The following RASA3 variants were observed in gnomAD, a reference collection of about 807,000 sequenced individuals.
RASA3 encodes the protein ras GTPase-activating protein 3.
Under a neutral mutation model 110.0 loss-of-function variants are expected in RASA3, and 73 were observed. The ratio of observed to expected loss-of-function variants is 0.66; its 90% confidence interval spans 0.55 to 0.81. RASA3 has a LOEUF of 0.81. Ranked by LOEUF, RASA3 falls within the 30% of genes least tolerant of loss-of-function variation. The probability of loss-of-function intolerance (pLI) is 0.00; values close to 1 mark genes in which losing one functional copy is unlikely to be tolerated. For missense variants in RASA3, 976 were observed against 1,113.2 expected, an observed-to-expected ratio of 0.88 and a Z score of 1.75; for synonymous variants, 500 against 451.4, an observed-to-expected ratio of 1.11 and a Z score of -1.37.
chr13:114,019,055 C>T (rs544591407), intron 9 of RASA3, 136 bp from the exon 10 acceptor site: 2 of 1,126,180 alleles, frequency 1.8e-6, no homozygotes, highest in East Asian at 2.6e-5. Context: ...AGTGCAGCCC[C>T]TGGGGACTCC....
At chr13:114,062,567 C>A (rs1386991838) in intron 2 of RASA3, among the ~76,000 whole-genome samples, 1 of 133,184 alleles carries the variant, frequency 7.5e-6, no homozygotes, top group Non-Finnish European at 1.6e-5. Context: ...CGCACGCAGA[C>A]TCGGACACGC....
At chr13:114,063,880 T>A (rs2079402788) in intron 2 of RASA3, among the ~76,000 whole-genome samples, 1 of 152,216 alleles carries the variant, frequency 6.6e-6, no homozygotes, top group African/African-American at 2.4e-5. Context: ...AAAACCTGCT[T>A]AAATTTTAAA....
At chr13:114,071,769 G>A (rs1230251351) in intron 2 of RASA3, among the ~76,000 whole-genome samples, 1 of 152,196 alleles carries the variant, frequency 6.6e-6, no homozygotes, top group African/African-American at 2.4e-5. Context: ...TGGAAGCACT[G>A]TCAGTGACGG....
chr13:114,129,451 G>C (rs2080490893), intron 1 of RASA3, among the ~76,000 whole-genome samples: 1 of 152,146 alleles, frequency 6.6e-6, no homozygotes, highest in African/African-American at 2.4e-5. Context: ...AAAGAGGAAG[G>C]GGGAAAGGAG....
In RASA3 at chr13:114,115,881, C is replaced by CT. The variant is rs1297123507; in HGVS notation, c.55+16553dup. 6.6e-6 allele frequency among the ~76,000 whole-genome samples: 1 copy of CT among 152,244 alleles called. No individual in the cohort carries two copies. The highest frequency in any genetic ancestry group is 2.4e-5 in the African/African-American group (1 of 41,464). Reference sequence around the variant, plus strand: ...ATTATTCTTCTTGGTTAATATTTTACTTTCTGTCATAACCAGCAGGCTTAA... The same window carrying CT: ...ATTATTCTTCTTGGTTAATATTTTACTTTTCTGTCATAACCAGCAGGCTTAA... On this transcript the variant is annotated intron_variant, in intron 1 of 23. Transcript: ENST00000334062. This position sits in a 1 kb window ranked among gnomAD's most constrained non-coding sequence, Gnocchi z 5.0.
At chr13:114,045,446 G>A (rs1324232147) in intron 3 of RASA3, among the ~76,000 whole-genome samples, 1 of 152,126 alleles carries the variant, frequency 6.6e-6, no homozygotes, top group Non-Finnish European at 1.5e-5. Context: ...GCTGCAGAGG[G>A]ACCAGAAAAA....
chr13:114,067,430 C>T (rs2079474893), intron 2 of RASA3, among the ~76,000 whole-genome samples: 1 of 152,228 alleles, frequency 6.6e-6, no homozygotes, highest in South Asian at 2.1e-4. Context: ...TGTGACTTTT[C>T]ATGAGTCGCC....
In RASA3 at chr13:114,048,798, G is replaced by A. The variant is rs991953693; in HGVS notation, c.277+3254C>T. Among the ~76,000 whole-genome samples the A allele has an allele frequency of 2.6e-5, 4 of 152,154 alleles. No individual in the cohort carries two copies. The highest frequency in any genetic ancestry group is 7.2e-5 in the African/African-American group (3 of 41,426). On this transcript the variant is annotated intron_variant, in intron 3 of 23. Transcript: ENST00000334062. The surrounding 1 kb of genome is among the most constrained non-coding windows in gnomAD (Gnocchi z 4.3). ...AGAGGAGGCTACGGTCACGCCGCCC[G>A]GGACCCGCCGACACTGGACACTTCT...
intron 2 of RASA3, among the ~76,000 whole-genome samples, chr13:114,053,914 T>A (rs141146498): frequency 0.027 from 4,063 of 152,272 alleles, 70 homozygotes; most frequent in Non-Finnish European, 0.046. Flanking sequence ...TCACCTAAGA[T>A]CAGGAGTTCG....
chr13:114,080,518 G>A (rs988632831), intron 1 of RASA3, among the ~76,000 whole-genome samples: 1 of 152,160 alleles, frequency 6.6e-6, no homozygotes, highest in Non-Finnish European at 1.5e-5. Flanking sequence ...GGGTGACCAG[G>A]CCCAGATGTT....
chr13:114,013,592 C>CA (rs138835612), intron 14 of RASA3, among the ~76,000 whole-genome samples: 1 of 109,790 alleles, frequency 9.1e-6, no homozygotes, highest in Non-Finnish European at 1.8e-5. Flanking sequence ...CTCTCTCTCT[C>CA]TCCGTCTCTG....
intron 1 of RASA3, among the ~76,000 whole-genome samples, chr13:114,091,289 G>T (rs7987231): frequency 6.6e-6 from 1 of 151,740 alleles, no homozygotes. Context: ...GTGTGAGGTC[G>T]TGTCCCAGAT....
chr13:114,050,854 G>A (rs979042661), intron 3 of RASA3, among the ~76,000 whole-genome samples: 2 of 152,230 alleles, frequency 1.3e-5, no homozygotes, highest in Non-Finnish European at 2.9e-5. Flanking sequence ...ACCTTTGGCC[G>A]TGCCTCTCAC....
At chr13:113,995,530 G>A (rs971792699) in intron 21 of RASA3, among the ~76,000 whole-genome samples, 5 of 152,360 alleles carry the variant, frequency 3.3e-5, no homozygotes, top group Middle Eastern at 3.4e-3. Flanking sequence ...GGGACCGCCA[G>A]GCACCCAGGC....
chr13:114,034,192 C>A (rs1458335115), intron 4 of RASA3, among the ~76,000 whole-genome samples: 2 of 152,254 alleles, frequency 1.3e-5, no homozygotes, highest in African/African-American at 4.8e-5. Context: ...AAAGGAGTGG[C>A]CTGACCACCA....
chr13:114,074,287 C>A (rs1248288839), intron 1 of RASA3, among the ~76,000 whole-genome samples: 2 of 152,306 alleles, frequency 1.3e-5, no homozygotes, highest in African/African-American at 2.4e-5. Flanking sequence ...TCCCATCCCC[C>A]TCCTGCTGTC....
chr13:113,981,958 C>T, intron 22 of RASA3, 100 bp from the exon 23 acceptor site: 1 of 1,070,406 alleles, frequency 9.3e-7, no homozygotes, highest in Admixed American at 2.5e-5. Context: ...AGTACACATC[C>T]TTCCAACGCA....
Position 113,978,595 on chromosome 13 carries a change from T to C in RASA3, c.*752A>G, listed in dbSNP as rs1451562076. On this transcript the variant is annotated 3_prime_UTR_variant, in exon 24 of 24. Transcript: ENST00000334062. ...TAAACCCCATTCAACAGCAAAACGA[T>C]GTGGGCTTCAACTGTGGGCTCCGCA... 6.6e-6 allele frequency: 1 copy of C among 152,180 alleles called. No homozygotes were observed. Among genetic ancestry groups the C allele is most frequent in the African/African-American group, 2.4e-5 (1 of 41,436 alleles). 9.4% of individuals were successfully genotyped at this position (152,180 alleles called of 1,614,324 possible). A position where few individuals can be genotyped will look rare whatever the true frequency, so the allele number is the denominator to read the frequency against.
intron 1 of RASA3, chr13:114,108,549 C>T: frequency 6.6e-6 from 1 of 150,392 alleles, no homozygotes; most frequent in Non-Finnish European, 1.5e-5. Flanking sequence ...CACCCCATGT[C>T]CATTATCCCC....
Sources: allele counts gnomAD v4.1 joint callset (sites outside exome capture counted in the v4.1 genomes callset), GRCh38; gene constraint gnomAD v4.1.1; non-coding constraint Gnocchi (gnomAD v3.1); transcripts MANE v1.5; gene names NCBI Gene and HGNC (gene_info 2026-07-23, HGNC 2026-07-21).